PTPRD: variants seen among roughly 807,000 people sequenced by gnomAD.
PTPRD encodes protein tyrosine phosphatase receptor type D, also known as receptor-type tyrosine-protein phosphatase delta.
PTPRD carries 34 observed loss-of-function variants against 214.5 expected under a neutral mutation model. The observed-to-expected ratio is 0.16, with a 90% CI of 0.12 to 0.21. The LOEUF is 0.21. PTPRD is among the 10% of genes least tolerant of loss of function. The pLI, the probability that PTPRD is intolerant of heterozygous loss-of-function variation, is 1.00. For missense variants in PTPRD, 2,545 were observed against 2,398.7 expected, an observed-to-expected ratio of 1.06 and a Z score of -1.27; for synonymous variants, 1,128 against 845.7, an observed-to-expected ratio of 1.33 and a Z score of -5.79.
At chr9:10,078,878 TATAAGAC>T (rs1232509643) in intron 3 of PTPRD, among the ~76,000 whole-genome samples, 1 of 152,162 alleles carries the variant, frequency 6.6e-6, no homozygotes, top group Non-Finnish European at 1.5e-5. Flanking sequence ...CAACATTAAA[TATAAGAC>T]ATGGTTTTCA....
intron 3 of PTPRD, among the ~76,000 whole-genome samples, chr9:10,311,606 G>T (rs1336337639): frequency 6.6e-6 from 1 of 151,884 alleles, no homozygotes; most frequent in Non-Finnish European, 1.5e-5. Context: ...ACTATGTGTT[G>T]GGCACCAAGC....
chr9:8,350,859 C>G (rs1223856501), intron 39 of PTPRD, among the ~76,000 whole-genome samples: 1 of 152,098 alleles, frequency 6.6e-6, no homozygotes, highest in Non-Finnish European at 1.5e-5. Flanking sequence ...CACTATATCC[C>G]TATACTAATT....
chr9:10,276,848 G>A (rs138617919), intron 3 of PTPRD, among the ~76,000 whole-genome samples: 1 of 152,186 alleles, frequency 6.6e-6, no homozygotes, highest in African/African-American at 2.4e-5. Context: ...TTGTTGGCCA[G>A]ATCACCATGA....
intron 11 of PTPRD, among the ~76,000 whole-genome samples, chr9:8,900,423 A>G (rs903479958): frequency 3.9e-5 from 6 of 152,224 alleles, no homozygotes; most frequent in Non-Finnish European, 7.3e-5. Flanking sequence ...AAATGGCACA[A>G]TCATAAACAA....
intron 8 of PTPRD, among the ~76,000 whole-genome samples, chr9:9,550,391 A>G (rs145924257): frequency 6.8e-6 from 1 of 147,412 alleles, no homozygotes; most frequent in Non-Finnish European, 1.5e-5. Context: ...TTCTCTCTCT[A>G]TATATATGAA....
intron 3 of PTPRD, among the ~76,000 whole-genome samples, chr9:10,094,100 A>G (rs965975542): frequency 4.8e-5 from 7 of 145,694 alleles, no homozygotes; most frequent in African/African-American, 1.6e-4. Flanking sequence ...CAACGTTAAA[A>G]ATAAAATAAA....
chr9:10,004,916 A>C (rs926708488), intron 4 of PTPRD, among the ~76,000 whole-genome samples: 1 of 152,106 alleles, frequency 6.6e-6, no homozygotes, highest in African/African-American at 2.4e-5. Context: ...AAATTTTTCC[A>C]AGTTGGTGTT....
At chr9:10,601,604 T>C (rs561407273) in intron 2 of PTPRD, among the ~76,000 whole-genome samples, 4 of 151,744 alleles carry the variant, frequency 2.6e-5, no homozygotes, top group Non-Finnish European at 5.9e-5. Flanking sequence ...AACAAAAACT[T>C]TGGACCTGAA....
Position 9,650,766 on chromosome 9 carries a change from T to A in PTPRD, c.-286-75985A>T, listed in dbSNP as rs183613225. ...TATGTAACAAAGCTGCACATGTACC[T>A]CTGAACTTGAAAGTGAAAAAAAAAT... On this transcript the variant is annotated intron_variant, in intron 7 of 45. Transcript: ENST00000381196. Among the ~76,000 whole-genome samples, 812 of 152,152 alleles carry A rather than the reference T, an allele frequency of 5.3e-3. 9 individuals carry two copies. Among genetic ancestry groups the A allele is most frequent in the Non-Finnish European group, 9.8e-3 (667 of 67,966 alleles).
At chr9:10,319,481 A>G (rs1046205049) in intron 3 of PTPRD, among the ~76,000 whole-genome samples, 9 of 152,082 alleles carry the variant, frequency 5.9e-5, no homozygotes, top group African/African-American at 2.2e-4. Context: ...CAATTACCAA[A>G]CTAATTTTAA....
chr9:9,447,211 C>T (rs1205650025), intron 8 of PTPRD, among the ~76,000 whole-genome samples: 2 of 152,086 alleles, frequency 1.3e-5, no homozygotes, highest in South Asian at 2.1e-4. Context: ...ATGACACATG[C>T]ACATGTATGT....
rs868298330 is a variant in PTPRD, at chr9:9,779,278, T to C, written c.-367-12427A>G. 9.9e-5 allele frequency among the ~76,000 whole-genome samples: 15 copies of C among 151,962 alleles called. 1 individual carries two copies. The highest frequency in any genetic ancestry group is 3.4e-3 in the Middle Eastern group (1 of 292). On this transcript the variant is annotated intron_variant, in intron 5 of 45. Coordinates refer to ENST00000381196, the MANE Select transcript of PTPRD (RefSeq NM_002839.4). The stretch of plus-strand genomic sequence containing the variant: ...TAGAAGAAAACCTAGAAAATACACT[T>C]CCAGACATTGGCTTTGACAAAAAAA...
chr9:9,053,990 A>T (rs1302425929), intron 10 of PTPRD, among the ~76,000 whole-genome samples: 1 of 152,182 alleles, frequency 6.6e-6, no homozygotes, highest in African/African-American at 2.4e-5. Flanking sequence ...TGGTAATATG[A>T]GTGAGAAAGG....
At chr9:8,821,400 T>A (rs943005811) in intron 11 of PTPRD, among the ~76,000 whole-genome samples, 3 of 152,250 alleles carry the variant, frequency 2.0e-5, no homozygotes, top group Admixed American at 1.3e-4. Context: ...ACCCCACGCA[T>A]CACTCACTCC....
intron 7 of PTPRD, among the ~76,000 whole-genome samples, chr9:9,683,218 G>A (rs986962996): frequency 2.6e-5 from 4 of 151,742 alleles, no homozygotes; most frequent in Non-Finnish European, 5.9e-5. Context: ...TAAGTGACCT[G>A]TTGTTAATTA....
intron 5 of PTPRD, among the ~76,000 whole-genome samples, chr9:9,870,886 G>A (rs1193964632): frequency 6.6e-6 from 1 of 152,044 alleles, no homozygotes; most frequent in East Asian, 1.9e-4. Flanking sequence ...ATATATACGT[G>A]TTATAACAAC....
At chr9:8,368,641 T>C (rs184526241) in intron 39 of PTPRD, among the ~76,000 whole-genome samples, 14 of 151,264 alleles carry the variant, frequency 9.3e-5, no homozygotes, top group Non-Finnish European at 1.6e-4. Context: ...TTACACTTTA[T>C]ACCTACTGGG....
intron 12 of PTPRD, among the ~76,000 whole-genome samples, chr9:8,693,631 T>C (rs1249619445): frequency 1.3e-5 from 2 of 152,180 alleles, no homozygotes; most frequent in East Asian, 3.9e-4. Flanking sequence ...GTGACAGAAG[T>C]CTGAGAAATC....
chr9:10,166,811 G>A (rs2099161905), intron 3 of PTPRD, among the ~76,000 whole-genome samples: 4 of 152,032 alleles, frequency 2.6e-5, no homozygotes, highest in Admixed American at 2.6e-4. Flanking sequence ...CAGATGTTTT[G>A]CCCATGCAAT....
Sources: gnomAD v4.1 joint callset for allele counts (sites outside exome capture counted in the v4.1 genomes callset) on GRCh38, gnomAD v4.1.1 for gene constraint, MANE v1.5 for transcripts, NCBI Gene and HGNC (gene_info 2026-07-23, HGNC 2026-07-21) for gene names.